ZNF536: variants seen among roughly 807,000 people sequenced by gnomAD.
ZNF536 encodes the protein zinc finger protein 536.
In ZNF536, 13 loss-of-function variants were observed where a neutral mutation model predicts 84.5. The observed-to-expected ratio is 0.15, with a 90% CI of 0.10 to 0.24. ZNF536 has a LOEUF of 0.24. Ranked by LOEUF, ZNF536 falls within the 10% of genes least tolerant of loss-of-function variation. The probability of loss-of-function intolerance (pLI) is 1.00; values close to 1 mark genes in which losing one functional copy is unlikely to be tolerated. For synonymous variants in ZNF536, 811 were observed against 742.5 expected (o/e 1.09, Z -1.50); for missense variants, 1,536 against 1,747.5 (o/e 0.88, Z 2.16).
chr19:30,538,399 T>C (rs1568529472), intron 3 of ZNF536, among the ~76,000 whole-genome samples: 1 of 152,236 alleles, frequency 6.6e-6, no homozygotes, highest in Non-Finnish European at 1.5e-5. Context: ...TGCATCTTTA[T>C]TGGAAGTCTC....
intron 1 of ZNF536, among the ~76,000 whole-genome samples, chr19:30,402,924 G>C (rs548079201): frequency 6.6e-6 from 1 of 151,414 alleles, no homozygotes; most frequent in Non-Finnish European, 1.5e-5. Flanking sequence ...AGAGACAAAG[G>C]CTTTATTGTG....
chr19:30,614,831 G>A (rs1436898195), intron 1 of ZNF536, among the ~76,000 whole-genome samples: 1 of 149,814 alleles, frequency 6.7e-6, no homozygotes, highest in Non-Finnish European at 1.5e-5. Context: ...ATCATAGTGA[G>A]GTTTTAGGAT....
intron 1 of ZNF536, among the ~76,000 whole-genome samples, chr19:30,266,963 G>A (rs2025545663): frequency 1.3e-5 from 2 of 152,336 alleles, no homozygotes; most frequent in South Asian, 2.1e-4. Flanking sequence ...TATGCAGAAA[G>A]CTATTTGGAA....
At chr19:30,497,051 G>A (rs931187232) in intron 2 of ZNF536, among the ~76,000 whole-genome samples, 1 of 152,162 alleles carries the variant, frequency 6.6e-6, no homozygotes, top group Non-Finnish European at 1.5e-5. Context: ...CAAACAGCAA[G>A]GTGCTCCTCC....
intron 2 of ZNF536, among the ~76,000 whole-genome samples, chr19:30,340,947 GC>G (rs1195213237): frequency 1.3e-5 from 2 of 152,108 alleles, no homozygotes; most frequent in Admixed American, 1.3e-4. Flanking sequence ...TTCGGTTCCA[GC>G]CGTGTCAGGG....
At chr19:30,323,376 G>A (rs951189218) in intron 2 of ZNF536, among the ~76,000 whole-genome samples, 3 of 151,984 alleles carry the variant, frequency 2.0e-5, no homozygotes, top group African/African-American at 4.8e-5. Context: ...CCTACCTCCC[G>A]TTTGCTCCTG....
rs141698145 is a variant in ZNF536 at position 30,260,745 on chromosome 19, G to A, written c.-189-23327G>A. On this transcript the variant is annotated intron_variant, in intron 1 of 5. Transcript: ENST00000585628. ...GCCACCATACTTGGTAGAGTCTAGC[G>A]AACCTGCAAAGGCTTCAGCCCCCGG... Among the ~76,000 whole-genome samples, 388 of 152,262 alleles carry A rather than the reference G, an allele frequency of 2.5e-3. 1 individual carries two copies. Among genetic ancestry groups the A allele is most frequent in the African/African-American group, 8.5e-3 (354 of 41,548 alleles).
chr19:30,266,616 AT>A (rs1018995025), intron 1 of ZNF536, among the ~76,000 whole-genome samples: 2 of 152,106 alleles, frequency 1.3e-5, no homozygotes, highest in Admixed American at 6.5e-5. Context: ...TAAAAAGAAA[AT>A]TTTTTTAAGG....
At chr19:30,670,377 C>T (rs2050499086) in intron 1 of ZNF536, among the ~76,000 whole-genome samples, 2 of 152,208 alleles carry the variant, frequency 1.3e-5, no homozygotes, top group South Asian at 4.1e-4. Context: ...GCTGGGTGTT[C>T]TGCCTGTGAA....
chr19:30,603,236 C>A (rs1183841547), intron 1 of ZNF536, among the ~76,000 whole-genome samples: 1 of 151,990 alleles, frequency 6.6e-6, no homozygotes, highest in Non-Finnish European at 1.5e-5. Context: ...TGGCACAGTG[C>A]CTGAAACAGA....
chr19:30,650,610 T>C lies in ZNF536; in HGVS notation c.170-60147T>C, dbSNP rs1347807802. 2.0e-5 allele frequency among the ~76,000 whole-genome samples: 3 copies of C among 152,208 alleles called. No homozygotes were observed. The East Asian group carries it at 5.8e-4, about 29-fold the overall frequency. On this transcript the variant is annotated intron_variant, in intron 1 of 1. Coordinates refer to the ZNF536 transcript ENST00000592773. ...TTTCCTCCCACATTGTAAATTGGCA[T>C]CCTTAGAATCTTTCTTTTGTCATTG...
At chr19:30,623,796 A>G (rs999600965) in intron 1 of ZNF536, among the ~76,000 whole-genome samples, 5 of 152,258 alleles carry the variant, frequency 3.3e-5, no homozygotes, top group Admixed American at 3.3e-4. Context: ...CAGAGCTGCA[A>G]ATGTTGGGGT....
At chr19:30,576,919 C>G (rs551130295) in intron 1 of ZNF536, among the ~76,000 whole-genome samples, 12 of 152,348 alleles carry the variant, frequency 7.9e-5, no homozygotes, top group African/African-American at 2.6e-4. Context: ...TTCCCTGGTT[C>G]ACATGCTCCT....
At chr19:30,338,464 G>A (rs1253939246) in intron 2 of ZNF536, among the ~76,000 whole-genome samples, 2 of 149,614 alleles carry the variant, frequency 1.3e-5, no homozygotes, top group Non-Finnish European at 2.9e-5. Context: ...ATATGGTGAT[G>A]ATGATGACAA....
chr19:30,687,252 G>A (rs2051227280), intron 1 of ZNF536, among the ~76,000 whole-genome samples: 1 of 152,186 alleles, frequency 6.6e-6, no homozygotes, highest in African/African-American at 2.4e-5. Context: ...AACAGGATGT[G>A]AAACAAAATT....
At chr19:30,490,393 G>A (rs975570814) in intron 2 of ZNF536, among the ~76,000 whole-genome samples, 5 of 152,102 alleles carry the variant, frequency 3.3e-5, no homozygotes, top group African/African-American at 1.2e-4. Flanking sequence ...TCCAGGAGGG[G>A]GTTGTGTATC....
At chr19:30,598,434 T>A (rs576513920) in intron 1 of ZNF536, among the ~76,000 whole-genome samples, 1 of 152,282 alleles carries the variant, frequency 6.6e-6, no homozygotes, top group African/African-American at 2.4e-5. Flanking sequence ...GCCACATAAA[T>A]AATTTTGAAA....
chr19:30,277,398 T>C (rs2045275564), intron 1 of ZNF536, among the ~76,000 whole-genome samples: 1 of 152,196 alleles, frequency 6.6e-6, no homozygotes. Context: ...TCCGATATTG[T>C]AGGGTATCAG....
chr19:30,482,103 C>A (rs907825042), intron 2 of ZNF536, among the ~76,000 whole-genome samples: 7 of 152,088 alleles, frequency 4.6e-5, no homozygotes, highest in African/African-American at 1.7e-4. Context: ...TTTGCAATTG[C>A]AAATTGTGCT....
Sources: allele counts gnomAD v4.1 joint callset (sites outside exome capture counted in the v4.1 genomes callset), GRCh38; gene constraint gnomAD v4.1.1; transcripts MANE v1.5; gene names NCBI Gene and HGNC (gene_info 2026-07-23, HGNC 2026-07-21).